The following CACNA1C variants were observed in gnomAD, a reference collection of about 807,000 sequenced individuals.
CACNA1C encodes calcium voltage-gated channel subunit alpha1 C.
A neutral mutation model predicts 229.0 loss-of-function variants in CACNA1C; 30 were observed. That is an observed-to-expected ratio of 0.13 (90% CI 0.10 to 0.18). The LOEUF (loss-of-function observed/expected upper bound fraction) is 0.18. Ranked by LOEUF, CACNA1C falls within the 10% of genes least tolerant of loss-of-function variation. The pLI is 1.00. For synonymous variants in CACNA1C, 1,114 were observed against 1,132.5 expected, an observed-to-expected ratio of 0.98 and a Z score of 0.33; for missense variants, 1,658 against 2,845.0, an observed-to-expected ratio of 0.58 and a Z score of 9.49.
chr12:2,663,354 A>G (rs1264101022), intron 34 of CACNA1C, among the ~76,000 whole-genome samples: 1 of 152,254 alleles, frequency 6.6e-6, no homozygotes, highest in Non-Finnish European at 1.5e-5. Context: ...GAAAGGGAAC[A>G]CTTTTACCCC....
intron 3 of CACNA1C, among the ~76,000 whole-genome samples, chr12:2,200,367 C>T (rs1418900065): frequency 2.0e-5 from 3 of 152,138 alleles, no homozygotes; most frequent in Admixed American, 1.3e-4. Flanking sequence ...ATGATTTTGC[C>T]TTCCAGGGGC....
upstream of CACNA1C, among the ~76,000 whole-genome samples, chr12:2,052,548 G>A (rs2052511079): frequency 6.7e-6 from 1 of 149,206 alleles, no homozygotes; most frequent in South Asian, 2.1e-4. Flanking sequence ...AACGCGGGCG[G>A]GGGGCTGCAG....
At chr12:2,128,339 AAAC>A (rs1381317095) in intron 3 of CACNA1C, among the ~76,000 whole-genome samples, 2 of 152,206 alleles carry the variant, frequency 1.3e-5, no homozygotes, top group Non-Finnish European at 2.9e-5. Flanking sequence ...TTTAAAATAA[AAAC>A]AAACAAAATT....
At chr12:2,307,481 G>A (rs1324248461) in intron 3 of CACNA1C, among the ~76,000 whole-genome samples, 5 of 152,120 alleles carry the variant, frequency 3.3e-5, no homozygotes, top group Non-Finnish European at 5.9e-5. Flanking sequence ...ATGGTCTTTC[G>A]GCTGCATAGC....
At chr12:2,555,634 G>A (rs560915527) in intron 10 of CACNA1C, among the ~76,000 whole-genome samples, 1 of 152,332 alleles carries the variant, frequency 6.6e-6, no homozygotes, top group Non-Finnish European at 1.5e-5. Context: ...CCCACACGCT[G>A]TTAACCTGTG....
chr12:2,486,583 T>C lies in CACNA1C; in HGVS notation c.916+321T>C, dbSNP rs2099698561. On this transcript the variant is annotated intron_variant, in intron 6 of 46. Coordinates refer to ENST00000399655, the MANE Select transcript of CACNA1C (RefSeq NM_000719.7). This position sits in a 1 kb window ranked among gnomAD's most constrained non-coding sequence, Gnocchi z 4.9. ...TACGACTTTTCAAGCCAACCCTGAG[T>C]ATTTTAAGAATCAGAGCTGACCTGG... is the stretch of plus-strand genomic sequence containing the variant. 6.6e-6 allele frequency among the ~76,000 whole-genome samples: 1 copy of C among 152,198 alleles called. No individual in the cohort carries two copies. Among genetic ancestry groups the C allele is most frequent in the Non-Finnish European group, 1.5e-5 (1 of 68,028 alleles).
intron 3 of CACNA1C, among the ~76,000 whole-genome samples, chr12:2,394,737 A>G (rs182669504): frequency 1.2e-3 from 188 of 152,292 alleles, no homozygotes; most frequent in Non-Finnish European, 1.9e-3. Flanking sequence ...AGTCTTCCTT[A>G]TCCAGGGCTA....
intron 3 of CACNA1C, among the ~76,000 whole-genome samples, chr12:2,404,446 G>A (rs2098713456): frequency 1.3e-5 from 2 of 152,194 alleles, no homozygotes; most frequent in African/African-American, 4.8e-5. Context: ...GGGAAGCAGT[G>A]CCCTGTGTAC....
chr12:2,086,145 C>G (rs889860184), intron 1 of CACNA1C, among the ~76,000 whole-genome samples: 2 of 152,236 alleles, frequency 1.3e-5, no homozygotes, highest in African/African-American at 4.8e-5. Context: ...GCCTCTCCCA[C>G]TTGGTGGAGG....
At chr12:2,162,873 G>A (rs1051241386) in intron 3 of CACNA1C, among the ~76,000 whole-genome samples, 1 of 152,100 alleles carries the variant, frequency 6.6e-6, no homozygotes. Flanking sequence ...CCAGCACAAA[G>A]CCATTGCCTT....
At chr12:2,684,118 C>G (rs1237708846) in intron 43 of CACNA1C, among the ~76,000 whole-genome samples, 1 of 152,232 alleles carries the variant, frequency 6.6e-6, no homozygotes, top group East Asian at 1.9e-4. Context: ...CAGGCCAGCA[C>G]AGCATGCGGC....
rs144227940 is a variant in CACNA1C, at chr12:1,983,333, T to TG, written c.139+12132_139+12133insG. On this transcript the variant is annotated intron_variant, in intron 1 of 46. Transcript: ENST00000682462. ...TATTTTCTTTAAGTGAACGTTTGAA[T>TG]TACTGACTTAAGAACTTTCTTCTTT... Among the ~76,000 whole-genome samples, 1,202 of 152,144 alleles carry TG rather than the reference T, an allele frequency of 7.9e-3. 14 individuals are homozygous for TG. The highest frequency in any genetic ancestry group is 0.027 in the African/African-American group (1,130 of 41,556).
chr12:2,457,518 C>T lies in CACNA1C; in HGVS notation c.618-49C>T, dbSNP rs759817641. The T allele has an allele frequency of 1.9e-6, 3 of 1,579,928 alleles. No homozygotes were observed. The South Asian group carries it at 3.5e-5, about 18-fold the overall frequency. ...TCCAGAGGTCAGAGCCCCAGCTGGG[C>T]AAAAGAAAACCCAGTCCTGACAGTC... On this transcript the variant is annotated intron_variant, in intron 4 of 46. Coordinates refer to ENST00000399655, the MANE Select transcript of CACNA1C (RefSeq NM_000719.7).
At chr12:2,564,413 T>G (rs986119858) in intron 11 of CACNA1C, among the ~76,000 whole-genome samples, 2 of 152,146 alleles carry the variant, frequency 1.3e-5, no homozygotes, top group Non-Finnish European at 2.9e-5. Context: ...AGGAGATCAT[T>G]TTATGGAAAA....
At chr12:1,985,982 G>T (rs2470421) in intron 1 of CACNA1C, among the ~76,000 whole-genome samples, 108,681 of 151,780 alleles carry the variant, frequency 0.72, 39,424 homozygotes, top group African/African-American at 0.85. Context: ...GGCTAATTTT[G>T]TTTTGTATTT....
At position 2,001,490 on chromosome 12, in the gene CACNA1C, C is replaced by T. The variant is rs2042185386; in HGVS notation, c.139+30289C>T. Among the ~76,000 whole-genome samples, 4 of 152,240 alleles carry T rather than the reference C, an allele frequency of 2.6e-5. No individual in the cohort carries two copies. In the South Asian group the frequency reaches 8.3e-4, roughly 32 times the overall value. On this transcript the variant is annotated intron_variant, in intron 1 of 46. Transcript: ENST00000682462. Reference sequence around the variant, plus strand: ...TGGAATATAAAATAGTGCTGTTTTGCAAATTTTGGGGACTCTGCACACTGT... The same window carrying T: ...TGGAATATAAAATAGTGCTGTTTTGTAAATTTTGGGGACTCTGCACACTGT...
At chr12:2,351,642 G>T (rs2097205313) in intron 3 of CACNA1C, among the ~76,000 whole-genome samples, 7 of 152,220 alleles carry the variant, frequency 4.6e-5, no homozygotes, top group Admixed American at 4.6e-4. Flanking sequence ...TTTCCCACTT[G>T]TCCTTCCCCA....
chr12:2,116,007 G>A (rs1208700549), intron 2 of CACNA1C, among the ~76,000 whole-genome samples: 2 of 152,160 alleles, frequency 1.3e-5, no homozygotes, highest in Non-Finnish European at 2.9e-5. Context: ...TAGGGTGAAG[G>A]GGCTCAGGAG....
intron 11 of CACNA1C, among the ~76,000 whole-genome samples, chr12:2,561,165 C>A (rs1005392237): frequency 1.3e-5 from 2 of 152,218 alleles, no homozygotes; most frequent in African/African-American, 4.8e-5. Context: ...GGTCTGTAAC[C>A]AAGTGTAAGA....
Sources: allele counts gnomAD v4.1 joint callset (sites outside exome capture counted in the v4.1 genomes callset), GRCh38; gene constraint gnomAD v4.1.1; non-coding constraint Gnocchi (gnomAD v3.1); transcripts MANE v1.5; gene names NCBI Gene and HGNC (gene_info 2026-07-23, HGNC 2026-07-21).